Variants in TRMT10B observed in about 807,000 individuals in gnomAD.
The protein encoded by TRMT10B is tRNA methyltransferase 10 homolog B.
Under a neutral mutation model 43.8 loss-of-function variants are expected in TRMT10B, and 33 were observed. The ratio of observed to expected loss-of-function variants is 0.75; its 90% CI spans 0.57 to 1.01. The LOEUF (loss-of-function observed/expected upper bound fraction) is 1.01, where lower values mean the gene tolerates loss of function less well. Ranked by LOEUF, TRMT10B falls within the 50% of genes least tolerant of loss-of-function variation. TRMT10B has a pLI of 0.00. For synonymous variants in TRMT10B, 137 were observed against 130.6 expected (o/e 1.05, Z -0.34); for missense variants, 362 against 369.8 (o/e 0.98, Z 0.17).
At chr9:37,756,915 T>C (rs543203998) in intron 1 of TRMT10B, among the ~76,000 whole-genome samples, 36 of 152,004 alleles carry the variant, frequency 2.4e-4, no homozygotes, top group African/African-American at 8.0e-4. Context: ...CTCACATCTC[T>C]ACCCAGTGAC....
At chr9:37,770,644 A>T in intron 6 of TRMT10B, 28 bp from the exon 7 acceptor site, 7,442 of 1,069,550 alleles carry the variant, frequency 7.0e-3, no homozygotes, top group Non-Finnish European at 9.8e-3. Context: ...AACAGATTTG[A>T]TCTCATTGGC....
intron 1 of TRMT10B, among the ~76,000 whole-genome samples, chr9:37,760,794 T>A (rs139824097): frequency 6.6e-6 from 1 of 152,230 alleles, no homozygotes; most frequent in African/African-American, 2.4e-5. Flanking sequence ...TTTTAAGATA[T>A]ATTTTTCATA....
chr9:37,762,516 C>A, intron 2 of TRMT10B, 61 bp from the exon 3 acceptor site: 1 of 1,518,414 alleles, frequency 6.6e-7, no homozygotes, highest in South Asian at 1.3e-5. Context: ...TTCTAATGTT[C>A]ATTTTCCTTT....
At chr9:37,756,806 ATATG>A (rs564959303) in intron 1 of TRMT10B, among the ~76,000 whole-genome samples, 34 of 141,900 alleles carry the variant, frequency 2.4e-4, no homozygotes, top group Non-Finnish European at 1.1e-4. Context: ...GTATGTGTAT[ATATG>A]TGTGCATATG....
intron 1 of TRMT10B, among the ~76,000 whole-genome samples, chr9:37,761,212 A>G (rs1325631157): frequency 2.0e-5 from 3 of 152,220 alleles, no homozygotes; most frequent in Non-Finnish European, 4.4e-5. Context: ...AATATTTGCT[A>G]AAGGAACAAT....
At chr9:37,772,446 C>T (rs1452602271) in intron 7 of TRMT10B, among the ~76,000 whole-genome samples, 1 of 151,906 alleles carries the variant, frequency 6.6e-6, no homozygotes, top group Non-Finnish European at 1.5e-5. Flanking sequence ...GCCACCGTGC[C>T]CAGCCTCGTG....
rs1290143583 is a variant in TRMT10B, at chr9:37,762,111, G to A, written c.180G>A (p.Trp60Ter). ...TCCTGGCCACAGGCAGTACGGCATG[G>A]TGCTCGGTGAGTGCGTGAATTGCCT... ...GEILATGSTA[W>*]CSKNVQRKQR... is the part of the protein sequence containing the mutation. The change falls in exon 2 of 9, where the codon TGG becomes TGA. Residue 60 changes from tryptophan (W) to a stop codon, truncating the protein, a stop_gained. Coordinates refer to ENST00000297994, the MANE Select transcript of TRMT10B (RefSeq NM_144964.4). LOFTEE classifies it high-confidence loss of function. 3 of 1,612,522 alleles carry A rather than the reference G, an allele frequency of 1.9e-6. No individual in the cohort carries two copies. The highest frequency in any genetic ancestry group is 2.2e-5 in the South Asian group (2 of 91,010).
At chr9:37,756,460 A>G (rs1045232237) in intron 1 of TRMT10B, among the ~76,000 whole-genome samples, 1 of 151,782 alleles carries the variant, frequency 6.6e-6, no homozygotes, top group African/African-American at 2.4e-5. Flanking sequence ...TAATCCCAGC[A>G]CTTTGGGAGC....
Position 37,766,552 on chromosome 9 carries a change from G to A in TRMT10B, c.421-1524G>A, listed in dbSNP as rs557007504. 5.9e-5 allele frequency among the ~76,000 whole-genome samples: 9 copies of A among 152,282 alleles called. No individual in the cohort carries two copies. In the South Asian group the frequency reaches 1.9e-3, roughly 32 times the overall value. On this transcript the variant is annotated intron_variant, in intron 4 of 8. Transcript: ENST00000297994. ...TGTTCTTTTGGCTTAGGATTGACTT[G>A]GCAATGCAGGCTCTTCTTTGGTTCC...
chr9:37,757,140 A>G (rs542538210), intron 1 of TRMT10B, among the ~76,000 whole-genome samples: 1 of 152,220 alleles, frequency 6.6e-6, no homozygotes, highest in Admixed American at 6.5e-5. Flanking sequence ...TTGAAGTGCA[A>G]TGGCACAATC....
In TRMT10B at chr9:37,771,989, C is replaced by T. The variant is rs1169915492; in HGVS notation, c.720+1250C>T. On this transcript the variant is annotated intron_variant, in intron 7 of 8. Transcript: ENST00000297994. ...CTTCTGAGTAGCTAGGACTACAGGCCCATGCCACCACACCTAGCTAGTTTT... is the reference window on the plus strand; with the variant it reads ...CTTCTGAGTAGCTAGGACTACAGGCTCATGCCACCACACCTAGCTAGTTTT... Among the ~76,000 whole-genome samples the T allele has an allele frequency of 2.6e-5, 4 of 151,928 alleles. No homozygotes were observed. In the South Asian group the frequency reaches 6.2e-4, roughly 24 times the overall value.
chr9:37,771,085 C>T (rs1293901695), intron 7 of TRMT10B, among the ~76,000 whole-genome samples: 1 of 152,194 alleles, frequency 6.6e-6, no homozygotes, highest in African/African-American at 2.4e-5. Flanking sequence ...TTTGCTCCTT[C>T]TAAGGTTGAT....
intron 5 of TRMT10B, 194 bp from the exon 6 acceptor site, chr9:37,769,747 C>T: frequency 1.7e-6 from 1 of 588,616 alleles, no homozygotes; most frequent in Non-Finnish European, 3.1e-6. Flanking sequence ...ACTACAGGCA[C>T]ATGCCACCAT....
chr9:37,763,564 T>G, intron 3 of TRMT10B, 65 bp from the exon 4 acceptor site: 2 of 1,445,080 alleles, frequency 1.4e-6, no homozygotes, highest in Non-Finnish European at 1.9e-6. Flanking sequence ...CTGGCTAAGA[T>G]TTGTTTCTTA....
intron 4 of TRMT10B, among the ~76,000 whole-genome samples, chr9:37,764,743 T>G (rs1029536126): frequency 5.3e-5 from 8 of 152,088 alleles, no homozygotes; most frequent in Admixed American, 2.0e-4. Flanking sequence ...GTGTTTTAAT[T>G]GATGCTCATT....
At chr9:37,773,975 C>T (rs7044638) in intron 7 of TRMT10B, among the ~76,000 whole-genome samples, 7 of 120,964 alleles carry the variant, frequency 5.8e-5, no homozygotes, top group Admixed American at 3.2e-4. Flanking sequence ...AAAAAAAAAA[C>T]AACAATAATA....
At chr9:37,753,484 C>A (rs550426439), upstream of TRMT10B, among the ~76,000 whole-genome samples, 1 of 151,714 alleles carries the variant, frequency 6.6e-6, no homozygotes, top group East Asian at 1.9e-4. Flanking sequence ...CAGTCGGGTG[C>A]GGGCCTTAGA....
chr9:37,770,925 G>A (rs913825396), intron 7 of TRMT10B, among the ~76,000 whole-genome samples, 186 bp downstream of exon 7: 2 of 152,344 alleles, frequency 1.3e-5, no homozygotes, highest in African/African-American at 2.4e-5. Context: ...CAATGTCAGC[G>A]AAATCAAGAG....
At chr9:37,753,992 T>TA (rs1825292752) in intron 1 of TRMT10B, 140 bp downstream of exon 1, 1 of 152,368 alleles carries the variant, frequency 6.6e-6, no homozygotes, top group Admixed American at 6.5e-5. Flanking sequence ...ACCTTCCTGA[T>TA]ACTTTCCCTT....
Sources: allele counts gnomAD v4.1 joint callset (sites outside exome capture counted in the v4.1 genomes callset), GRCh38; gene constraint gnomAD v4.1.1; transcripts MANE v1.5; gene names NCBI Gene and HGNC (gene_info 2026-07-23, HGNC 2026-07-21).